ARSB: variants seen among roughly 807,000 people sequenced by gnomAD.
The protein encoded by ARSB is N-acetylgalactosamine-4-sulfatase.
A neutral mutation model predicts 50.9 loss-of-function variants in ARSB; 41 were observed. The ratio of observed to expected loss-of-function variants is 0.81; its 90% CI spans 0.63 to 1.04. The LOEUF (loss-of-function observed/expected upper bound fraction) is 1.04. Ranked by LOEUF, ARSB falls within the 50% of genes least tolerant of loss-of-function variation. ARSB has a pLI of 0.00. For missense variants in ARSB, 672 were observed against 693.3 expected (o/e 0.97, Z 0.35); for synonymous variants, 269 against 284.8 (o/e 0.94, Z 0.56).
chr5:78,952,862 C>T (rs961267824), intron 4 of ARSB, among the ~76,000 whole-genome samples: 1 of 152,144 alleles, frequency 6.6e-6, no homozygotes, highest in Admixed American at 6.5e-5. Context: ...CCAATTCTTG[C>T]AACAATGAGG....
chr5:78,963,941 G>A (rs190642632), intron 3 of ARSB, among the ~76,000 whole-genome samples: 39 of 152,278 alleles, frequency 2.6e-4, no homozygotes, highest in African/African-American at 9.1e-4. Context: ...CAAGGTTAGA[G>A]GAACTGCCCT....
intron 5 of ARSB, among the ~76,000 whole-genome samples, chr5:78,877,463 A>G (rs1246685760): frequency 6.6e-6 from 1 of 152,094 alleles, no homozygotes; most frequent in Non-Finnish European, 1.5e-5. Context: ...ATCTCGGATC[A>G]CTGCAACCTC....
chr5:78,863,285 C>G (rs544645830), intron 5 of ARSB, among the ~76,000 whole-genome samples: 1 of 152,136 alleles, frequency 6.6e-6, no homozygotes, highest in African/African-American at 2.4e-5. Context: ...ATAAATCATG[C>G]TACTATAAAG....
chr5:78,853,261 T>G (rs998215738), intron 5 of ARSB, among the ~76,000 whole-genome samples: 3 of 152,200 alleles, frequency 2.0e-5, no homozygotes, highest in African/African-American at 4.8e-5. Context: ...TGTTTGTTAG[T>G]TTTCCTTCTA....
chr5:78,949,321 C>G (rs1309885341), intron 4 of ARSB, among the ~76,000 whole-genome samples: 2 of 152,182 alleles, frequency 1.3e-5, no homozygotes, highest in African/African-American at 4.8e-5. Flanking sequence ...GTTTTCTGTA[C>G]TAATGGACTC....
At position 78,805,036 on chromosome 5, in the gene ARSB, A is replaced by G. The variant is rs116572479; in HGVS notation, c.1214-23062T>C. 6.3e-3 allele frequency among the ~76,000 whole-genome samples: 963 copies of G among 152,350 alleles called. 8 individuals carry two copies. Among genetic ancestry groups the G allele is most frequent in the African/African-American group, 0.022 (914 of 41,572 alleles). On this transcript the variant is annotated intron_variant, in intron 6 of 7. Transcript: ENST00000264914. ...GTTTAGTGATAGCAACACGCAAGAT[A>G]CTGTTTCTTACAAGTGGGAAGTTCC...
rs1748882098 is a variant in ARSB, at chr5:78,780,169, C to T, written c.*228G>A. ...CCAAGGCTTAGGAAAGGGGGATAAA[C>T]CCAGCCACCCCCACCTCTAGACACA... On this transcript the variant is annotated 3_prime_UTR_variant, in exon 8 of 8. Coordinates refer to ENST00000264914, the MANE Select transcript of ARSB (RefSeq NM_000046.5). 5.3e-6 allele frequency: 3 copies of T among 568,648 alleles called. No individual in the cohort carries two copies. The highest frequency in any genetic ancestry group is 4.0e-5 in the South Asian group (2 of 49,566). The allele number at this position is 568,648 out of a possible 1,614,324, so 35.2% of individuals were successfully genotyped here.
chr5:78,948,429 C>T (rs1751348271), intron 4 of ARSB, among the ~76,000 whole-genome samples: 2 of 151,948 alleles, frequency 1.3e-5, no homozygotes, highest in South Asian at 2.1e-4. Flanking sequence ...TTTATACCTA[C>T]TATATACCCA....
chr5:78,888,269 C>T (rs1748124962), intron 4 of ARSB, among the ~76,000 whole-genome samples: 1 of 152,160 alleles, frequency 6.6e-6, no homozygotes, highest in Admixed American at 6.5e-5. Context: ...GCTGAGCAGA[C>T]CCGTATATTC....
chr5:78,916,574 A>G (rs560364512), intron 4 of ARSB, among the ~76,000 whole-genome samples: 7 of 152,324 alleles, frequency 4.6e-5, no homozygotes, highest in Non-Finnish European at 7.3e-5. Flanking sequence ...ACAGAAAGAT[A>G]AGAAGGAAGC....
At position 78,871,221 on chromosome 5, in the gene ARSB, G is replaced by A. The variant is rs192426005; in HGVS notation, c.1142+14363C>T. Among the ~76,000 whole-genome samples the A allele has an allele frequency of 7.0e-3, 1,067 of 151,854 alleles. 11 individuals are homozygous for A. The highest frequency in any genetic ancestry group is 0.024 in the African/African-American group (1,009 of 41,386). On this transcript the variant is annotated intron_variant, in intron 5 of 7. Transcript: ENST00000264914. ...CTCATGGGTAGGAAGAATCAATATC[G>A]TGAAAATGGCCATACTGCCCAAGGT...
At chr5:78,951,214 A>AT (rs1271103766) in intron 4 of ARSB, among the ~76,000 whole-genome samples, 1 of 152,012 alleles carries the variant, frequency 6.6e-6, no homozygotes, top group East Asian at 1.9e-4. Context: ...CCCTATCTTT[A>AT]TTTTTTTATT....
chr5:78,782,991 A>G (rs1196386518), intron 6 of ARSB, among the ~76,000 whole-genome samples: 1 of 152,130 alleles, frequency 6.6e-6, no homozygotes, highest in Non-Finnish European at 1.5e-5. Context: ...CTGATTATGA[A>G]AGGAGTGAAC....
In ARSB at chr5:78,777,422, C is replaced by T. The variant is rs3088247; in HGVS notation, c.*2975G>A. ...CACTATCTAGTTCCAGAACTTTCTCCTCACCCCAAATGGAAGCCCCATACA... is the reference window on the plus strand; with the variant it reads ...CACTATCTAGTTCCAGAACTTTCTCTTCACCCCAAATGGAAGCCCCATACA... On this transcript the variant is annotated 3_prime_UTR_variant, in exon 8 of 8. Coordinates refer to ENST00000264914, the MANE Select transcript of ARSB (RefSeq NM_000046.5). 6.6e-6 allele frequency: 1 copy of T among 152,386 alleles called. No individual in the cohort carries two copies. The highest frequency in any genetic ancestry group is 2.4e-5 in the African/African-American group (1 of 41,368). 9.4% of individuals were successfully genotyped at this position (152,386 alleles called of 1,614,324 possible).
At chr5:78,911,615 T>G (rs1230547884) in intron 4 of ARSB, among the ~76,000 whole-genome samples, 1 of 86,162 alleles carries the variant, frequency 1.2e-5, no homozygotes, top group African/African-American at 5.1e-5. Flanking sequence ...AAAAAAAGAA[T>G]AACTTGGGCA....
chr5:78,894,765 T>C (rs2112247387), intron 4 of ARSB, among the ~76,000 whole-genome samples: 1 of 152,318 alleles, frequency 6.6e-6, no homozygotes, highest in East Asian at 1.9e-4. Context: ...AGATAACACT[T>C]GCTCCAAGGC....
At chr5:78,838,109 T>G (rs927269286) in intron 6 of ARSB, among the ~76,000 whole-genome samples, 1 of 152,152 alleles carries the variant, frequency 6.6e-6, no homozygotes, top group Non-Finnish European at 1.5e-5. Context: ...ATACAGGAGA[T>G]GCTGACTTCC....
In ARSB at chr5:78,777,358, G is replaced by A. The variant is rs964623529; in HGVS notation, c.*3039C>T. 6.6e-6 allele frequency: 1 copy of A among 152,486 alleles called. No homozygotes were observed. Among genetic ancestry groups the A allele is most frequent in the African/African-American group, 2.4e-5 (1 of 41,386 alleles). 9.4% of individuals were successfully genotyped at this position (152,486 alleles called of 1,614,324 possible). A position where few individuals can be genotyped will look rare whatever the true frequency, so the allele number is the denominator to read the frequency against. On this transcript the variant is annotated 3_prime_UTR_variant, in exon 8 of 8. Transcript: ENST00000264914. The stretch of plus-strand genomic sequence containing the variant: ...TAACCACTTTAAAACATACAATTCA[G>A]TGGCAGTAATTGCATTTATGATGTT...
chr5:78,895,774 G>C (rs1263038171), intron 4 of ARSB, among the ~76,000 whole-genome samples: 1 of 152,202 alleles, frequency 6.6e-6, no homozygotes, highest in East Asian at 1.9e-4. Flanking sequence ...GGAGATCCAT[G>C]TCTGGGCTCC....
Sources: gnomAD v4.1 joint callset for allele counts (sites outside exome capture counted in the v4.1 genomes callset) on GRCh38, gnomAD v4.1.1 for gene constraint, MANE v1.5 for transcripts, NCBI Gene and HGNC (gene_info 2026-07-23, HGNC 2026-07-21) for gene names.